Variants in COL27A1 observed in about 807,000 individuals in gnomAD.
COL27A1 encodes the protein collagen type XXVII alpha 1 chain.
In COL27A1, 106 loss-of-function variants were observed where a neutral mutation model predicts 251.3. That is an observed-to-expected ratio of 0.42 (90% CI 0.36 to 0.50). COL27A1 has a LOEUF of 0.50. COL27A1 is among the 20% of genes least tolerant of loss of function. The pLI, the probability that COL27A1 is intolerant of heterozygous loss-of-function variation, is 0.00. For synonymous variants in COL27A1, 1,000 were observed against 986.3 expected, an observed-to-expected ratio of 1.01 and a Z score of -0.26; for missense variants, 2,325 against 2,522.8, an observed-to-expected ratio of 0.92 and a Z score of 1.68.
chr9:114,270,804 G>T (rs762242819), intron 36 of COL27A1, 23 bp downstream of exon 36: 1 of 1,597,212 alleles, frequency 6.3e-7, no homozygotes, highest in Non-Finnish European at 8.6e-7. Context: ...TTAGGGCAGG[G>T]CCTGGGGACC....
At chr9:114,228,186 C>T (rs113261921) in intron 14 of COL27A1, among the ~76,000 whole-genome samples, 2,378 of 152,282 alleles carry the variant, frequency 0.016, 26 homozygotes, top group Middle Eastern at 0.058. Context: ...CGTGACTCCC[C>T]GAGGCCCCAC....
At chr9:114,296,963 C>T (rs768285553) in intron 49 of COL27A1, among the ~76,000 whole-genome samples, 3 of 152,142 alleles carry the variant, frequency 2.0e-5, no homozygotes, top group Non-Finnish European at 2.9e-5. Flanking sequence ...ATAGTATAGA[C>T]TGTGTGATTT....
chr9:114,180,772 G>T (rs2135160000), intron 4 of COL27A1, among the ~76,000 whole-genome samples: 1 of 152,230 alleles, frequency 6.6e-6, no homozygotes, highest in East Asian at 1.9e-4. Flanking sequence ...TATAGAATTG[G>T]TCTGCTTGGC....
At chr9:114,174,124 T>C (rs7870521) in intron 3 of COL27A1, among the ~76,000 whole-genome samples, 101,897 of 151,624 alleles carry the variant, frequency 0.67, 34,519 homozygotes, top group South Asian at 0.84. Flanking sequence ...ATTACAGGCA[T>C]GTGCCACCAT....
At chr9:114,209,537 C>T (rs776754533) in intron 10 of COL27A1, 138 bp from the exon 11 acceptor site, 2 of 819,824 alleles carry the variant, frequency 2.4e-6, no homozygotes, top group Non-Finnish European at 4.4e-6. Context: ...ATCGAGGAGC[C>T]ACCGGAGCTG....
intron 24 of COL27A1, among the ~76,000 whole-genome samples, chr9:114,249,425 G>A (rs1450857578): frequency 6.6e-6 from 1 of 152,176 alleles, no homozygotes; most frequent in African/African-American, 2.4e-5. Context: ...GCGTGGTGCT[G>A]GGATGTACGG....
rs1449215204 is a variant in COL27A1 at position 114,306,572 on chromosome 9, A to G, written c.4991A>G (p.Lys1664Arg). Residue 1664 changes from lysine (K) to arginine (R), a missense_variant, in exon 58 of 61, where the codon AAA (lysine) becomes AGA (arginine). Transcript: ENST00000356083. Reference sequence around the variant, plus strand: ...CTGGACCAGGGAGGAGAGATCTTTAAAACCTTACACTACCTCAGCAACCTC... The same window carrying G: ...CTGGACCAGGGAGGAGAGATCTTTAGAACCTTACACTACCTCAGCAACCTC... ...LVLDQGGEIF[K>R]TLHYLSNLIQ... 1 of 1,613,912 alleles carries G rather than the reference A, an allele frequency of 6.2e-7. No homozygotes were observed. The highest frequency in any genetic ancestry group is 8.5e-7 in the Non-Finnish European group (1 of 1,180,034).
intron 49 of COL27A1, among the ~76,000 whole-genome samples, chr9:114,296,819 G>A (rs2636874): frequency 0.41 from 62,365 of 151,916 alleles, 12,903 homozygotes; most frequent in Admixed American, 0.46. Context: ...TGTATCAGCC[G>A]GTGAATAGAT....
intron 35 of COL27A1, among the ~76,000 whole-genome samples, chr9:114,269,781 G>A (rs1251471807): frequency 6.6e-6 from 1 of 152,146 alleles, no homozygotes; most frequent in East Asian, 1.9e-4. Context: ...TCTGGAGCTT[G>A]CATTCCAGCG....
intron 37 of COL27A1, 68 bp downstream of exon 37, chr9:114,275,836 C>A (rs1235199570): frequency 9.5e-7 from 1 of 1,054,358 alleles, no homozygotes; most frequent in Non-Finnish European, 1.4e-6. Flanking sequence ...CCTGTGCAGG[C>A]GGCTGGGCGG....
chr9:114,264,931 C>T lies in COL27A1; in HGVS notation c.3257C>T (p.Pro1086Leu). 2.5e-6 allele frequency: 4 copies of T among 1,612,862 alleles called. No homozygotes were observed. Among genetic ancestry groups the T allele is most frequent in the Non-Finnish European group, 3.4e-6 (4 of 1,179,244 alleles). The stretch of plus-strand genomic sequence containing the variant: ...GTGCTCTGCTTCCCACAGGGCCCTC[C>T]AGGACCCCAGGGCAGACCGGGCCGG... Reference protein sequence around the residue: ...EQGSRGLKGPPGPQGRPGRPG... With the variant: ...EQGSRGLKGPLGPQGRPGRPG... Residue 1086 changes from proline (P) to leucine (L), a missense_variant, in exon 30 of 61, where the codon CCA (proline) becomes CTA (leucine). Physicochemically the swap from Pro to Leu is moderately conservative, Grantham distance 98 (BLOSUM62 -3). This residue lies in a region of COL27A1 where 662 missense variants were observed against 795.3 expected (regional missense o/e 0.83). Transcript: ENST00000356083.
intron 49 of COL27A1, among the ~76,000 whole-genome samples, chr9:114,299,301 C>T (rs1176220787): frequency 1.3e-5 from 2 of 152,208 alleles, no homozygotes; most frequent in African/African-American, 4.8e-5. Flanking sequence ...CTAGGAGATT[C>T]TAATACATGG....
chr9:114,243,315 A>G (rs1229203875), intron 22 of COL27A1, among the ~76,000 whole-genome samples, 192 bp from the exon 23 acceptor site: 2 of 152,174 alleles, frequency 1.3e-5, no homozygotes, highest in Non-Finnish European at 2.9e-5. Flanking sequence ...CCCTGAGTTC[A>G]CGCAGCTGGA....
At chr9:114,207,408 C>T (rs984805364) in intron 10 of COL27A1, among the ~76,000 whole-genome samples, 1 of 152,190 alleles carries the variant, frequency 6.6e-6, no homozygotes, top group African/African-American at 2.4e-5. Context: ...TCTGCTGCTC[C>T]CATGGGCCAT....
At chr9:114,287,132 G>T (rs1055598129) in intron 41 of COL27A1, among the ~76,000 whole-genome samples, 3 of 152,148 alleles carry the variant, frequency 2.0e-5, no homozygotes, top group African/African-American at 7.2e-5. Flanking sequence ...CCAAGTCCCT[G>T]CCAGCCTTCA....
At chr9:114,173,695 G>T (rs1849484675) in intron 3 of COL27A1, among the ~76,000 whole-genome samples, 1 of 151,962 alleles carries the variant, frequency 6.6e-6, no homozygotes, top group African/African-American at 2.4e-5. Flanking sequence ...GATTCAGTGA[G>T]ATGCGGGGGT....
At chr9:114,230,415 C>A (rs1442282260) in intron 14 of COL27A1, among the ~76,000 whole-genome samples, 1 of 152,152 alleles carries the variant, frequency 6.6e-6, no homozygotes, top group East Asian at 1.9e-4. Flanking sequence ...GAGCTGTCAT[C>A]TGCAAACTGC....
intron 25 of COL27A1, among the ~76,000 whole-genome samples, chr9:114,251,309 A>G (rs1833527399): frequency 6.6e-6 from 1 of 151,946 alleles, no homozygotes; most frequent in Non-Finnish European, 1.5e-5. Context: ...GTCCAGAGGG[A>G]GGAAGTATCC....
At chr9:114,304,371 C>G (rs1186762092) in intron 56 of COL27A1, among the ~76,000 whole-genome samples, 2 of 152,188 alleles carry the variant, frequency 1.3e-5, no homozygotes, top group African/African-American at 4.8e-5. Flanking sequence ...GGTCTTATAA[C>G]CATGTTGAGG....
Sources: allele counts gnomAD v4.1 joint callset (sites outside exome capture counted in the v4.1 genomes callset), GRCh38; gene constraint gnomAD v4.1.1; regional missense constraint gnomAD v4.1.1; transcripts MANE v1.5; gene names NCBI Gene and HGNC (gene_info 2026-07-23, HGNC 2026-07-21).